The following CCDC18 variants were observed in gnomAD, a reference collection of about 807,000 sequenced individuals.
The protein encoded by CCDC18 is coiled-coil domain containing 18, also known as coiled-coil domain-containing protein 18.
A neutral mutation model predicts 196.0 loss-of-function variants in CCDC18; 157 were observed. The observed-to-expected ratio is 0.80, with a 90% confidence interval of 0.70 to 0.91. The LOEUF (loss-of-function observed/expected upper bound fraction) is 0.91. Among genes scored for constraint, CCDC18 ranks in the 40% least tolerant of loss-of-function variants. The pLI is 0.00. For missense variants in CCDC18, 1,465 were observed against 1,611.6 expected, an observed-to-expected ratio of 0.91 and a Z score of 1.56; for synonymous variants, 482 against 529.2, an observed-to-expected ratio of 0.91 and a Z score of 1.22.
intron 21 of CCDC18, among the ~76,000 whole-genome samples, chr1:93,243,951 C>T (rs1661165373): frequency 6.6e-6 from 1 of 152,182 alleles, no homozygotes; most frequent in African/African-American, 2.4e-5. Flanking sequence ...CTACCTGTTA[C>T]CCAGTTCCAA....
chr1:93,188,925 C>A (rs1012392029), intron 4 of CCDC18, among the ~76,000 whole-genome samples: 2 of 152,146 alleles, frequency 1.3e-5, no homozygotes, highest in African/African-American at 4.8e-5. Context: ...ATAATCGCAT[C>A]ATGGAGAATG....
chr1:93,216,667 T>C lies in CCDC18; in HGVS notation c.1751T>C (p.Leu584Pro), dbSNP rs373731787. Reference protein sequence around the residue: ...MTKKCSQLLTLEKQLEEKIVA... With the variant: ...MTKKCSQLLTPEKQLEEKIVA... ...AAGAAATGTTCTCAACTTTTAACTCTTGAGAAACAGCTGGAAGAAAAGATA... is the reference window on the plus strand; with the variant it reads ...AAGAAATGTTCTCAACTTTTAACTCCTGAGAAACAGCTGGAAGAAAAGATA... The change falls in exon 13 of 29, where the codon CTT becomes CCT. Residue 584 changes from leucine (L) to proline (P), a missense_variant. By Grantham distance (98) the Leu-to-Pro change is moderately conservative. Transcript: ENST00000690025. 18 of 1,580,032 alleles carry C rather than the reference T, an allele frequency of 1.1e-5. No homozygotes were observed. In the East Asian group the frequency reaches 2.1e-4, roughly 18 times the overall value.
chr1:93,276,823 G>A (rs888384945), intron 28 of CCDC18, among the ~76,000 whole-genome samples: 19 of 151,716 alleles, frequency 1.3e-4, no homozygotes, highest in Admixed American at 5.9e-4. Flanking sequence ...GGTGTTTCTC[G>A]TAAGGTGGGA....
chr1:93,272,971 A>T (rs997251270), intron 28 of CCDC18, among the ~76,000 whole-genome samples: 16 of 151,654 alleles, frequency 1.1e-4, no homozygotes, highest in Non-Finnish European at 1.0e-4. Context: ...GGGGCAGTTC[A>T]TCCACTGTGG....
chr1:93,264,991 TA>T (rs1312405463), intron 27 of CCDC18, 90 bp downstream of exon 27: 3 of 816,742 alleles, frequency 3.7e-6, no homozygotes, highest in Non-Finnish European at 6.0e-6. Context: ...TAGAGGACTA[TA>T]TGACCAAATA....
At chr1:93,231,977 A>G (rs961895546) in intron 17 of CCDC18, among the ~76,000 whole-genome samples, 2 of 152,218 alleles carry the variant, frequency 1.3e-5, no homozygotes, top group African/African-American at 4.8e-5. Context: ...GAGAGGTCAG[A>G]CAGAACATGC....
At position 93,270,827 on chromosome 1, in the gene CCDC18, T is replaced by C; in HGVS notation, c.4353+13T>C. ...TGGTTTAAATCAGGTATGTATTTTA[T>C]ACACTGTAAACTGTAATAATTTGTT... On this transcript the variant is annotated intron_variant, in intron 28 of 28. Transcript: ENST00000690025. The C allele has an allele frequency of 1.3e-6, 2 of 1,481,670 alleles. No homozygotes were observed. The highest frequency in any genetic ancestry group is 2.7e-5 in the South Asian group (2 of 73,356). 91.8% of individuals were successfully genotyped at this position (1,481,670 alleles called of 1,614,324 possible).
intron 16 of CCDC18, among the ~76,000 whole-genome samples, chr1:93,223,588 T>A (rs996276162): frequency 6.6e-6 from 1 of 152,212 alleles, no homozygotes; most frequent in Non-Finnish European, 1.5e-5. Flanking sequence ...AAAAGGTTGA[T>A]GATAAAATTC....
chr1:93,228,998 C>T (rs1658835340), intron 17 of CCDC18, among the ~76,000 whole-genome samples: 1 of 152,088 alleles, frequency 6.6e-6, no homozygotes, highest in Admixed American at 6.6e-5. Flanking sequence ...TCTCGGCTCA[C>T]TACAACCTCT....
chr1:93,212,925 T>C (rs1655892610), intron 11 of CCDC18, among the ~76,000 whole-genome samples: 1 of 152,172 alleles, frequency 6.6e-6, no homozygotes. Context: ...CTGACCTTGT[T>C]TTCCTGCAAC....
At chr1:93,220,260 T>A (rs918258741) in intron 14 of CCDC18, among the ~76,000 whole-genome samples, 1 of 152,110 alleles carries the variant, frequency 6.6e-6, no homozygotes, top group African/African-American at 2.4e-5. Flanking sequence ...AGAAAAAAAC[T>A]GTCATTCTAT....
Position 93,221,788 on chromosome 1 carries a change from T to C in CCDC18, c.2097+45T>C, listed in dbSNP as rs1657469245. The C allele has an allele frequency of 1.9e-6, 3 of 1,593,428 alleles. No homozygotes were observed. The African/African-American group carries it at 4.1e-5, about 22-fold the overall frequency. ...AGTGCTATTTAGAAGTTGACTAATA[T>C]TTTATGTCTCTATAACTTGCCTTTA... is the stretch of plus-strand genomic sequence containing the variant. On this transcript the variant is annotated intron_variant, in intron 15 of 28. Coordinates refer to ENST00000690025, the MANE Select transcript of CCDC18 (RefSeq NM_001378204.1).
chr1:93,269,282 G>A (rs537152856), intron 27 of CCDC18, among the ~76,000 whole-genome samples: 69 of 108,870 alleles, frequency 6.3e-4, no homozygotes, highest in South Asian at 3.6e-3. Flanking sequence ...GTTGTGGGGT[G>A]GGGGGAGGGG....
chr1:93,215,331 C>G (rs1225418628), intron 12 of CCDC18, among the ~76,000 whole-genome samples: 1 of 152,048 alleles, frequency 6.6e-6, no homozygotes, highest in Non-Finnish European at 1.5e-5. Context: ...TAAAGGATTT[C>G]AAATTTTAGC....
chr1:93,277,939 C>G (rs948442699), intron 28 of CCDC18, among the ~76,000 whole-genome samples: 2 of 152,012 alleles, frequency 1.3e-5, no homozygotes, highest in African/African-American at 4.8e-5. Context: ...ATATTCACAC[C>G]CACCTCATCA....
chr1:93,192,082 T>G lies in CCDC18; in HGVS notation c.545T>G (p.Val182Gly). ...EEQIINLEAE[V>G]SAQDKVLREA... ...CAGATTATAAATTTGGAAGCAGAGG[T>G]TTCAGCTCAAGATAAAGTTTTGAGG... Residue 182 changes from valine (V) to glycine (G), a missense_variant, in exon 5 of 29, where the codon GTT (valine) becomes GGT (glycine). Coordinates refer to ENST00000690025, the MANE Select transcript of CCDC18 (RefSeq NM_001378204.1). 2 of 1,612,478 alleles carry G rather than the reference T, an allele frequency of 1.2e-6. No individual in the cohort carries two copies. The highest frequency in any genetic ancestry group is 1.7e-6 in the Non-Finnish European group (2 of 1,178,620).
chr1:93,214,993 A>G lies in CCDC18; in HGVS notation c.1719+27A>G, dbSNP rs755286645. ...TAAGCTTGGAATTAGCTTGGTATAT[A>G]TGTTAATTTTTGAACTAGAACAAAA... On this transcript the variant is annotated intron_variant, in intron 12 of 28. Transcript: ENST00000690025. The G allele has an allele frequency of 7.7e-6, 11 of 1,436,114 alleles. No individual in the cohort carries two copies. The South Asian group carries it at 7.8e-5, about 10-fold the overall frequency. The allele number at this position is 1,436,114 out of a possible 1,614,324, so 89.0% of individuals were successfully genotyped here.
intron 25 of CCDC18, among the ~76,000 whole-genome samples, chr1:93,257,499 CAAA>C (rs748329007): frequency 4.9e-5 from 7 of 142,200 alleles, no homozygotes; most frequent in Admixed American, 4.2e-4. Context: ...ATTGATGTTG[CAAA>C]AAAAAAAAAT....
In CCDC18 at chr1:93,264,726, CAAAGTGG is replaced by C. The variant is rs1291881028; in HGVS notation, c.3713_3719del (p.Lys1238ArgfsTer14). 1 of 1,611,678 alleles carries C rather than the reference CAAAGTGG, an allele frequency of 6.2e-7. No homozygotes were observed. Among genetic ancestry groups the C allele is most frequent in the Non-Finnish European group, 8.5e-7 (1 of 1,178,330 alleles). On this transcript the variant is annotated frameshift_variant, in exon 27 of 29. Transcript: ENST00000690025. LOFTEE classifies it high-confidence loss of function. ...ATGATTTCACATCAAGAGAACCATG[CAAAGTGG>C]AAGATTTCTGCTGACTCTCAAAAGT... is the stretch of plus-strand genomic sequence containing the variant.
Sources: allele counts gnomAD v4.1 joint callset (sites outside exome capture counted in the v4.1 genomes callset), GRCh38; gene constraint gnomAD v4.1.1; transcripts MANE v1.5; gene names NCBI Gene and HGNC (gene_info 2026-07-23, HGNC 2026-07-21).